ANAPC10: variants seen among roughly 807,000 people sequenced by gnomAD.
ANAPC10 encodes anaphase-promoting complex subunit 10.
In ANAPC10, 12 loss-of-function variants were observed where a neutral mutation model predicts 22.0. That is an observed-to-expected ratio of 0.55 (90% CI 0.35 to 0.88). ANAPC10 has a LOEUF of 0.88. Among genes scored for constraint, ANAPC10 ranks in the 40% least tolerant of loss-of-function variants. The probability of loss-of-function intolerance (pLI) is 0.01; values close to 1 mark genes in which losing one functional copy is unlikely to be tolerated. For missense variants in ANAPC10, 188 were observed against 220.9 expected (o/e 0.85, Z 0.94); for synonymous variants, 65 against 69.5 (o/e 0.94, Z 0.32).
chr4:145,069,967 C>T (rs1199603554), intron 3 of ANAPC10, among the ~76,000 whole-genome samples: 1 of 152,040 alleles, frequency 6.6e-6, no homozygotes, highest in East Asian at 1.9e-4. Flanking sequence ...ATGTTGTTAA[C>T]ACATAATAGG....
chr4:144,998,990 C>A lies in ANAPC10; in HGVS notation c.328-3387G>T, dbSNP rs149958366. Reference sequence around the variant, plus strand: ...CCACCAGAGAATACTATAAACACCTCTACGCAAATAAACTAGAAAATCTAC... The same window carrying A: ...CCACCAGAGAATACTATAAACACCTATACGCAAATAAACTAGAAAATCTAC... On this transcript the variant is annotated intron_variant, in intron 4 of 4. Coordinates refer to ENST00000507656, the MANE Select transcript of ANAPC10 (RefSeq NM_001256706.2). Among the ~76,000 whole-genome samples, 352 of 152,274 alleles carry A rather than the reference C, an allele frequency of 2.3e-3. 3 individuals carry two copies. The highest frequency in any genetic ancestry group is 7.7e-3 in the African/African-American group (320 of 41,548).
chr4:145,070,969 GC>G (rs1351749268), intron 3 of ANAPC10, among the ~76,000 whole-genome samples: 47 of 152,156 alleles, frequency 3.1e-4, no homozygotes, highest in Non-Finnish European at 2.9e-5. Context: ...AAATAAAACA[GC>G]GATTATCATG....
intron 4 of ANAPC10, among the ~76,000 whole-genome samples, chr4:145,029,841 C>T (rs1024573116): frequency 7.9e-5 from 12 of 152,150 alleles, no homozygotes; most frequent in African/African-American, 2.7e-4. Flanking sequence ...AAGATATACC[C>T]TTGACCAATG....
chr4:145,012,509 T>C lies in ANAPC10; in HGVS notation c.328-16906A>G, dbSNP rs553585615. Among the ~76,000 whole-genome samples, 35 of 152,144 alleles carry C rather than the reference T, an allele frequency of 2.3e-4. No homozygotes were observed. The South Asian group carries it at 7.3e-3, about 32-fold the overall frequency. Reference sequence around the variant, plus strand: ...CTACAGTTGAAAACTAAAATATCTGTAACTAAGAATTCATCAGATTCATTT... The same window carrying C: ...CTACAGTTGAAAACTAAAATATCTGCAACTAAGAATTCATCAGATTCATTT... On this transcript the variant is annotated intron_variant, in intron 4 of 4. Coordinates refer to ENST00000507656, the MANE Select transcript of ANAPC10 (RefSeq NM_001256706.2).
intron 4 of ANAPC10, among the ~76,000 whole-genome samples, chr4:145,050,297 G>A (rs1460131887): frequency 6.6e-6 from 1 of 152,176 alleles, no homozygotes; most frequent in Non-Finnish European, 1.5e-5. Flanking sequence ...TGAGCAGTAG[G>A]TCTTTACAGT....
intron 4 of ANAPC10, among the ~76,000 whole-genome samples, chr4:145,016,642 A>T (rs1266946027): frequency 6.6e-6 from 1 of 152,240 alleles, no homozygotes; most frequent in Non-Finnish European, 1.5e-5. Context: ...TATGGAACCA[A>T]AAGGGAGTCC....
At chr4:145,053,161 T>C (rs913003342) in intron 4 of ANAPC10, among the ~76,000 whole-genome samples, 1 of 152,284 alleles carries the variant, frequency 6.6e-6, no homozygotes, top group East Asian at 1.9e-4. Flanking sequence ...TTAGGAGATA[T>C]ATAAGAACCA....
chr4:145,012,131 A>G (rs1163446139), intron 4 of ANAPC10, among the ~76,000 whole-genome samples: 1 of 151,076 alleles, frequency 6.6e-6, no homozygotes, highest in Non-Finnish European at 1.5e-5. Flanking sequence ...TAATAGAAAA[A>G]CAGTGTGGGC....
intron 2 of ANAPC10, among the ~76,000 whole-genome samples, chr4:145,092,492 C>G (rs1479443800): frequency 6.6e-6 from 1 of 152,106 alleles, no homozygotes; most frequent in African/African-American, 2.4e-5. Flanking sequence ...GAGGAAGGAA[C>G]AAGACCAAAT....
intron 4 of ANAPC10, among the ~76,000 whole-genome samples, chr4:145,053,130 G>A (rs933532330): frequency 6.6e-6 from 1 of 152,122 alleles, no homozygotes; most frequent in Non-Finnish European, 1.5e-5. Flanking sequence ...TTTTGTTTAT[G>A]TAGTGGCAAA....
intron 3 of ANAPC10, among the ~76,000 whole-genome samples, chr4:145,065,827 T>C (rs1390039982): frequency 2.0e-5 from 3 of 152,004 alleles, no homozygotes; most frequent in Non-Finnish European, 4.4e-5. Context: ...TATATTTGTA[T>C]ATAGAAAAAG....
At chr4:145,095,027 AGAG>A (rs1175389471) in intron 2 of ANAPC10, among the ~76,000 whole-genome samples, 1 of 152,228 alleles carries the variant, frequency 6.6e-6, no homozygotes, top group Non-Finnish European at 1.5e-5. Context: ...TAGTAGAGAT[AGAG>A]GAGGAAAAGA....
chr4:145,069,789 C>G (rs1744223494), intron 3 of ANAPC10, among the ~76,000 whole-genome samples: 1 of 152,032 alleles, frequency 6.6e-6, no homozygotes, highest in South Asian at 2.1e-4. Context: ...TTTCCACAGG[C>G]TGACATGGGA....
intron 2 of ANAPC10, among the ~76,000 whole-genome samples, chr4:145,083,760 T>C (rs997581373): frequency 2.0e-5 from 3 of 152,190 alleles, no homozygotes; most frequent in Non-Finnish European, 4.4e-5. Flanking sequence ...AAATTACAAA[T>C]GTGGTTTGTG....
At chr4:145,071,141 T>A (rs1398473039) in intron 3 of ANAPC10, among the ~76,000 whole-genome samples, 1 of 152,218 alleles carries the variant, frequency 6.6e-6, no homozygotes, top group African/African-American at 2.4e-5. Context: ...GAACAGTGGC[T>A]CATGCCTGCA....
At chr4:145,064,836 T>C (rs1442906036) in intron 3 of ANAPC10, 144 bp from the exon 4 acceptor site, 1 of 707,594 alleles carries the variant, frequency 1.4e-6, no homozygotes, top group East Asian at 2.9e-5. Context: ...TCAACAAAAA[T>C]GAAAAATGTA....
Position 145,097,509 on chromosome 4 carries a change from C to G in ANAPC10, c.-13+611G>C, listed in dbSNP as rs952211365. 1.9e-5 allele frequency: 24 copies of G among 1,287,078 alleles called. No individual in the cohort carries two copies. In the Middle Eastern group the frequency reaches 9.7e-4, roughly 52 times the overall value. 79.7% of individuals were successfully genotyped at this position (1,287,078 alleles called of 1,614,324 possible). A position where few individuals can be genotyped will look rare whatever the true frequency, so the allele number is the denominator to read the frequency against. ...GTTCTGCATACCGTTTCCTTGACACCTCCCATTGTATCCGAAGTTGTTCTT... is the reference window on the plus strand; with the variant it reads ...GTTCTGCATACCGTTTCCTTGACACGTCCCATTGTATCCGAAGTTGTTCTT... On this transcript the variant is annotated intron_variant, in intron 1 of 4. Transcript: ENST00000507656.
intron 4 of ANAPC10, among the ~76,000 whole-genome samples, chr4:145,004,003 T>C (rs1261752168): frequency 6.6e-6 from 1 of 152,142 alleles, no homozygotes; most frequent in Non-Finnish European, 1.5e-5. Flanking sequence ...GTTTGTATCA[T>C]CTCTGATTTT....
chr4:145,006,682 A>G (rs1035121629), intron 4 of ANAPC10, among the ~76,000 whole-genome samples: 5 of 152,180 alleles, frequency 3.3e-5, no homozygotes, highest in African/African-American at 1.2e-4. Flanking sequence ...CAGAAATTTA[A>G]GATAGTAAGA....
Sources: gnomAD v4.1 joint callset for allele counts (sites outside exome capture counted in the v4.1 genomes callset) on GRCh38, gnomAD v4.1.1 for gene constraint, MANE v1.5 for transcripts, NCBI Gene and HGNC (gene_info 2026-07-23, HGNC 2026-07-21) for gene names.